LAMA1: variants seen among roughly 807,000 people sequenced by gnomAD.
LAMA1 encodes laminin subunit alpha-1.
LAMA1 carries 219 observed loss-of-function variants against 348.7 expected under a neutral mutation model. The ratio of observed to expected loss-of-function variants is 0.63; its 90% CI spans 0.56 to 0.70. The LOEUF is 0.70. Among genes scored for constraint, LAMA1 ranks in the 30% least tolerant of loss-of-function variants. The pLI is 0.00. For missense variants in LAMA1, 3,744 were observed against 3,888.0 expected, an observed-to-expected ratio of 0.96 and a Z score of 0.99; for synonymous variants, 1,487 against 1,491.0, an observed-to-expected ratio of 1.00 and a Z score of 0.06.
At position 6,961,712 on chromosome 18, in the gene LAMA1, T is replaced by G. The variant is rs765819762; in HGVS notation, c.7500A>C (p.Pro2500=). The G allele has an allele frequency of 6.2e-7, 1 of 1,614,100 alleles. No homozygotes were observed. Among genetic ancestry groups the G allele is most frequent in the South Asian group, 1.1e-5 (1 of 91,064 alleles). The part of the protein sequence containing the change: ...SFLKGGYIEL[P]PKSLSPESEW... ...CTGATTCTGGTGACAAAGATTTGGG[T>G]GGCAATTCAATGTAGCCGCCTTTCA... Residue 2500 remains proline, a synonymous_variant, in exon 53 of 63, where the codon CCA becomes CCC. Coordinates refer to ENST00000389658, the MANE Select transcript of LAMA1 (RefSeq NM_005559.4).
intron 12 of LAMA1, 78 bp downstream of exon 12, chr18:7,037,500 T>G: frequency 6.5e-7 from 1 of 1,538,360 alleles, no homozygotes; most frequent in Non-Finnish European, 9.0e-7. Flanking sequence ...CTACCTAAAA[T>G]GCAGGCAGCG....
intron 31 of LAMA1, 89 bp downstream of exon 31, chr18:6,999,822 G>A: frequency 7.6e-7 from 1 of 1,310,126 alleles, no homozygotes; most frequent in South Asian, 1.2e-5. Flanking sequence ...ATTGATAATG[G>A]CTCCCAGATT....
intron 46 of LAMA1, among the ~76,000 whole-genome samples, chr18:6,974,064 T>C (rs142022552): frequency 6.6e-6 from 1 of 152,208 alleles, no homozygotes; most frequent in African/African-American, 2.4e-5. Flanking sequence ...ATTACAGGAG[T>C]GAGCCACCAT....
At chr18:7,018,951 C>T (rs1334067381) in intron 19 of LAMA1, among the ~76,000 whole-genome samples, 1 of 152,088 alleles carries the variant, frequency 6.6e-6, no homozygotes, top group African/African-American at 2.4e-5. Context: ...CTTAATGCTG[C>T]AGTCCCACGA....
chr18:7,004,202 G>A (rs1181424143), intron 29 of LAMA1, among the ~76,000 whole-genome samples: 1 of 152,170 alleles, frequency 6.6e-6, no homozygotes, highest in Non-Finnish European at 1.5e-5. Flanking sequence ...GAAATTCACA[G>A]AGAATGCCTG....
chr18:7,018,336 C>CAAAAAAAAAA (rs764975447), intron 19 of LAMA1, among the ~76,000 whole-genome samples: 1 of 44,194 alleles, frequency 2.3e-5, no homozygotes, highest in African/African-American at 1.0e-4. Context: ...AACTCCATCT[C>CAAAAAAAAAA]AAAAAAAAAA....
chr18:7,111,234 C>T (rs553203488), intron 1 of LAMA1, among the ~76,000 whole-genome samples: 3 of 152,216 alleles, frequency 2.0e-5, no homozygotes, highest in Middle Eastern at 3.4e-3. Flanking sequence ...AAAATGTGCA[C>T]GCACACTGAA....
intron 16 of LAMA1, among the ~76,000 whole-genome samples, chr18:7,028,992 A>G (rs888169606): frequency 6.6e-6 from 1 of 152,156 alleles, no homozygotes; most frequent in Non-Finnish European, 1.5e-5. Flanking sequence ...GCAATTTAGT[A>G]TTTTCAGTTT....
At chr18:7,027,574 G>GAA (rs370079888) in intron 16 of LAMA1, among the ~76,000 whole-genome samples, 1 of 143,958 alleles carries the variant, frequency 6.9e-6, no homozygotes, top group African/African-American at 2.5e-5. Flanking sequence ...ACAATCAGGG[G>GAA]AAAAAAAAAA....
intron 56 of LAMA1, chr18:6,955,814 C>T: frequency 5.2e-6 from 2 of 383,098 alleles, no homozygotes; most frequent in South Asian, 4.3e-5. Context: ...TTGGGAATGG[C>T]CCTAAGGATG....
chr18:7,068,102 C>T (rs2058130710), intron 3 of LAMA1, among the ~76,000 whole-genome samples: 1 of 152,182 alleles, frequency 6.6e-6, no homozygotes, highest in Non-Finnish European at 1.5e-5. Flanking sequence ...ATCCACCTGC[C>T]TCGGCTTCCC....
In LAMA1 at chr18:6,967,417, T is replaced by G. The variant is rs149755397; in HGVS notation, c.6900-1120A>C. Among the ~76,000 whole-genome samples, 600 of 152,324 alleles carry G rather than the reference T, an allele frequency of 3.9e-3. 1 individual carries two copies. Among genetic ancestry groups the G allele is most frequent in the Admixed American group, 7.3e-3 (112 of 15,302 alleles). On this transcript the variant is annotated intron_variant, in intron 48 of 62. Coordinates refer to ENST00000389658, the MANE Select transcript of LAMA1 (RefSeq NM_005559.4). ...AGTGCATGTGCCGGAGGATAGAGAC[T>G]CTAGAGCTAGACTACTAGGGTTCAA...
At chr18:7,085,660 C>T (rs28392893) in intron 1 of LAMA1, among the ~76,000 whole-genome samples, 7,489 of 152,056 alleles carry the variant, frequency 0.049, 485 homozygotes, top group East Asian at 0.27. Context: ...CTTCCTGATC[C>T]GCCCGCCTCA....
chr18:7,066,499 A>T (rs748842205), intron 3 of LAMA1, among the ~76,000 whole-genome samples: 1 of 152,216 alleles, frequency 6.6e-6, no homozygotes, highest in Non-Finnish European at 1.5e-5. Context: ...GATATTCAAT[A>T]TCTAAAAATG....
intron 1 of LAMA1, among the ~76,000 whole-genome samples, chr18:7,098,768 G>A (rs529358170): frequency 3.8e-5 from 5 of 130,954 alleles, no homozygotes; most frequent in East Asian, 2.2e-4. Context: ...GAGGTGAGGG[G>A]CGCCTCTGCC....
At chr18:7,049,456 C>T (rs769126661) in intron 4 of LAMA1, among the ~76,000 whole-genome samples, 199 bp from the exon 5 acceptor site, 2 of 152,078 alleles carry the variant, frequency 1.3e-5, no homozygotes, top group South Asian at 2.1e-4. Flanking sequence ...TGCACCACCA[C>T]GCCCAGCTAA....
At chr18:7,063,606 C>T (rs74852179) in intron 3 of LAMA1, among the ~76,000 whole-genome samples, 6,641 of 152,092 alleles carry the variant, frequency 0.044, 477 homozygotes, top group African/African-American at 0.15. Context: ...CCCAGGTACC[C>T]GTTGATGGAT....
rs1235548481 is a variant in LAMA1, at chr18:6,982,949, A to G, written c.5796+150T>C. On this transcript the variant is annotated intron_variant, in intron 40 of 62. Coordinates refer to ENST00000389658, the MANE Select transcript of LAMA1 (RefSeq NM_005559.4). ...GTATTTATGACCTTAAAAAATTAAA[A>G]CACAGATCATATGATGACAGAAGCC... is the stretch of plus-strand genomic sequence containing the variant. The G allele has an allele frequency of 3.9e-6, 4 of 1,028,764 alleles. No individual in the cohort carries two copies. The East Asian group carries it at 1.0e-4, about 26-fold the overall frequency. 63.7% of individuals were successfully genotyped at this position (1,028,764 alleles called of 1,614,324 possible). A position where few individuals can be genotyped will look rare whatever the true frequency, so the allele number is the denominator to read the frequency against.
Position 7,014,588 on chromosome 18 carries a change from T to C in LAMA1, c.3127-537A>G, listed in dbSNP as rs2057877507. Among the ~76,000 whole-genome samples the C allele has an allele frequency of 3.7e-5, 5 of 133,798 alleles. No homozygotes were observed. The South Asian group carries it at 1.2e-3, about 31-fold the overall frequency. 87.8% of individuals were successfully genotyped at this position (133,798 alleles called of 152,430 possible). ...AGTGAGCTTTGAGGATACAGTGAGC[T>C]TTGATGGTGTCACTGCACTCCAGCC... On this transcript the variant is annotated intron_variant, in intron 22 of 62. Transcript: ENST00000389658.
Sources: allele counts gnomAD v4.1 joint callset (sites outside exome capture counted in the v4.1 genomes callset), GRCh38; gene constraint gnomAD v4.1.1; transcripts MANE v1.5; gene names NCBI Gene and HGNC (gene_info 2026-07-23, HGNC 2026-07-21).